INTS15: variants seen among roughly 807,000 people sequenced by gnomAD.
INTS15 encodes the protein integrator complex subunit 15.
chr7:6,590,526 C>T, the INTS15 span: 1 of 1,493,034 alleles, frequency 6.7e-7, no homozygotes, highest in Non-Finnish European at 8.9e-7. Flanking sequence ...GGCGGGCGGG[C>T]CTTTTCCCCA....
At chr7:6,590,571 A>G in the INTS15 span, 16 of 1,396,046 alleles carry the variant, frequency 1.1e-5, no homozygotes, top group African/African-American at 1.7e-4. Flanking sequence ...CGGGCGCCCC[A>G]TGTCCAGGAT....
At chr7:6,608,299 G>A in the INTS15 span, 2 of 1,448,812 alleles carry the variant, frequency 1.4e-6, no homozygotes, top group Non-Finnish European at 1.8e-6. Flanking sequence ...TTGGTGTCAC[G>A]GAGTCCAGGT....
At chr7:6,594,001 CTT>C in the INTS15 span, among the ~76,000 whole-genome samples, 4 of 68,948 alleles carry the variant, frequency 5.8e-5, no homozygotes, top group Admixed American at 8.2e-4. Flanking sequence ...AAGCCTTTAA[CTT>C]TTTTTTTTTT....
chr7:6,600,030 C>G, the INTS15 span: 9 of 1,614,168 alleles, frequency 5.6e-6, no homozygotes, highest in Non-Finnish European at 7.6e-6. Flanking sequence ...AAGAAGCCCC[C>G]CTTATCCAAT....
the INTS15 span, chr7:6,600,328 G>T: frequency 2.5e-6 from 4 of 1,613,462 alleles, no homozygotes; most frequent in Non-Finnish European, 3.4e-6. Context: ...AGGTGGCCAT[G>T]GCCTCAGGAG....
chr7:6,603,296 C>T, the INTS15 span, among the ~76,000 whole-genome samples: 1 of 151,818 alleles, frequency 6.6e-6, no homozygotes, highest in African/African-American at 2.4e-5. Context: ...ACCTGTAATC[C>T]CAGCACTTTG....
chr7:6,598,687 C>A, the INTS15 span, among the ~76,000 whole-genome samples: 1 of 147,640 alleles, frequency 6.8e-6, no homozygotes, highest in South Asian at 2.1e-4. Flanking sequence ...ACAGTATAGC[C>A]TCCTGATTAA....
chr7:6,592,650 C>T, the INTS15 span, among the ~76,000 whole-genome samples: 78 of 151,144 alleles, frequency 5.2e-4, no homozygotes, highest in African/African-American at 1.6e-3. Flanking sequence ...AGTCTGTCAC[C>T]CAGGGTGGAG....
At chr7:6,608,098 G>GGCCCCCCCCC in the INTS15 span, 9 of 1,310,922 alleles carry the variant, frequency 6.9e-6, no homozygotes, top group African/African-American at 2.0e-5. Flanking sequence ...ACCCCGCCCT[G>GGCCCCCCCCC]CCCACGCATC....
At chr7:6,597,398 G>T in the INTS15 span, among the ~76,000 whole-genome samples, 1 of 151,934 alleles carries the variant, frequency 6.6e-6, no homozygotes, top group Middle Eastern at 3.2e-3. Flanking sequence ...AGGTTTAAGC[G>T]AGTCTCCTGC....
At chr7:6,606,772 C>T in the INTS15 span, among the ~76,000 whole-genome samples, 2 of 150,854 alleles carry the variant, frequency 1.3e-5, no homozygotes, top group East Asian at 2.0e-4. Context: ...AATCATGGCT[C>T]ATGGCTCACT....
the INTS15 span, chr7:6,591,900 G>A: frequency 1.4e-5 from 22 of 1,593,492 alleles, no homozygotes; most frequent in African/African-American, 2.7e-5. Context: ...GGCCGGGTGC[G>A]GTGGCTCATG....
At chr7:6,605,604 T>G in the INTS15 span, among the ~76,000 whole-genome samples, 1 of 152,108 alleles carries the variant, frequency 6.6e-6, no homozygotes, top group African/African-American at 2.4e-5. Context: ...TGGCCGCCTC[T>G]CCTGACGCAG....
At chr7:6,594,087 C>G in the INTS15 span, among the ~76,000 whole-genome samples, 1 of 137,256 alleles carries the variant, frequency 7.3e-6, no homozygotes, top group Non-Finnish European at 1.5e-5. Context: ...TGGCTTACTG[C>G]AACCTCTGCT....
the INTS15 span, among the ~76,000 whole-genome samples, chr7:6,606,918 C>T: frequency 3.9e-5 from 6 of 152,132 alleles, no homozygotes; most frequent in South Asian, 6.2e-4. Flanking sequence ...TGTATTGCTC[C>T]GTCTGGTCTT....
At chr7:6,593,728 A>T in the INTS15 span, among the ~76,000 whole-genome samples, 1 of 145,998 alleles carries the variant, frequency 6.8e-6, no homozygotes, top group African/African-American at 2.5e-5. Context: ...GGCTCACTGC[A>T]GACTCAACCT....
At chr7:6,591,476 G>A in the INTS15 span, among the ~76,000 whole-genome samples, 1 of 151,928 alleles carries the variant, frequency 6.6e-6, no homozygotes, top group African/African-American at 2.4e-5. Flanking sequence ...ATGTTGGCCA[G>A]GCTGGTCTCG....
At chr7:6,593,626 A>T in the INTS15 span, among the ~76,000 whole-genome samples, 252 of 144,606 alleles carry the variant, frequency 1.7e-3, 1 homozygote, top group African/African-American at 6.3e-3. Flanking sequence ...GAGCCACCAC[A>T]CCCAGTCAGG....
chr7:6,591,497 C>A, the INTS15 span: 1 of 622,636 alleles, frequency 1.6e-6, no homozygotes, highest in South Asian at 1.8e-5. Context: ...AACTCTTGAC[C>A]TCGTGATTCG....
Sources: allele counts gnomAD v4.1 joint callset (sites outside exome capture counted in the v4.1 genomes callset), GRCh38; gene constraint gnomAD v4.1.1; transcripts MANE v1.5; gene names NCBI Gene and HGNC (gene_info 2026-07-23, HGNC 2026-07-21).